CCDC38: variants seen among roughly 807,000 people sequenced by gnomAD.
The protein encoded by CCDC38 is coiled-coil domain containing 38, also known as coiled-coil domain-containing protein 38.
Under a neutral mutation model 72.8 loss-of-function variants are expected in CCDC38, and 69 were observed. The observed-to-expected ratio is 0.95, with a 90% CI of 0.78 to 1.16. CCDC38 has a LOEUF of 1.16. CCDC38 is among the 50% of genes most tolerant of loss of function. CCDC38 has a pLI of 0.00. For synonymous variants in CCDC38, 201 were observed against 213.2 expected, an observed-to-expected ratio of 0.94 and a Z score of 0.50; for missense variants, 626 against 638.9, an observed-to-expected ratio of 0.98 and a Z score of 0.22.
At position 95,878,277 on chromosome 12, in the gene CCDC38, C is replaced by T. The variant is rs2079657738; in HGVS notation, c.1212G>A (p.Glu404=). The change falls in exon 13 of 16, where the codon GAG becomes GAA. Residue 404 remains glutamate (E), a synonymous_variant. Transcript: ENST00000344280. ...MLKANCVREE[E]KAAELQLKSK... is the part of the protein sequence containing the mutation. ...ACTTTAATTGCAATTCTGCTGCTTT[C>T]TCTTCTTCTCTCACACAGTTAGCTT... is the stretch of plus-strand genomic sequence containing the variant. 1.2e-6 allele frequency: 2 copies of T among 1,613,520 alleles called. No individual in the cohort carries two copies. Among genetic ancestry groups the T allele is most frequent in the Admixed American group, 1.7e-5 (1 of 59,978 alleles).
chr12:95,917,357 G>A, intron 3 of CCDC38, 63 bp from the exon 4 acceptor site: 1 of 1,274,816 alleles, frequency 7.8e-7, no homozygotes, highest in Non-Finnish European at 1.1e-6. Context: ...CTTAAAATTA[G>A]TGATTATATA....
intron 4 of CCDC38, among the ~76,000 whole-genome samples, chr12:95,915,219 C>T (rs1176392565): frequency 1.3e-5 from 2 of 152,128 alleles, no homozygotes; most frequent in Admixed American, 1.3e-4. Flanking sequence ...AGCTATCAGG[C>T]AGATCTTTGA....
chr12:95,891,260 G>C (rs2079823645), intron 8 of CCDC38, among the ~76,000 whole-genome samples: 1 of 152,178 alleles, frequency 6.6e-6, no homozygotes. Context: ...AATCCCAAAT[G>C]TTAGCTTTCA....
At chr12:95,877,322 T>A (rs1055032356) in intron 13 of CCDC38, among the ~76,000 whole-genome samples, 1 of 152,196 alleles carries the variant, frequency 6.6e-6, no homozygotes, top group Non-Finnish European at 1.5e-5. Context: ...TTAGAAGGTA[T>A]ATAAGCTCTG....
intron 4 of CCDC38, among the ~76,000 whole-genome samples, chr12:95,914,050 G>C (rs1000898160): frequency 6.6e-6 from 1 of 152,250 alleles, no homozygotes; most frequent in African/African-American, 2.4e-5. Flanking sequence ...TAGGCTGGGA[G>C]TGGTGGCCCA....
rs1775329415 is a variant in CCDC38, at chr12:95,898,446, T to C, written c.553A>G (p.Asn185Asp). 1.2e-6 allele frequency: 2 copies of C among 1,614,118 alleles called. No homozygotes were observed. The highest frequency in any genetic ancestry group is 3.3e-5 in the Admixed American group (2 of 60,010). Reference protein sequence around the residue: ...ALKMAAQETINKLQMTAELKK... With the variant: ...ALKMAAQETIDKLQMTAELKK... ...AGCTCTGCTGTCATTTGGAGTTTGT[T>C]TATTGTTTCCTGTGCTGCCCTGAAA... Residue 185 changes from asparagine to aspartate, a missense_variant, in exon 7 of 16, where the codon AAC becomes GAC. Asn to Asp is a conservative substitution (Grantham distance 23, BLOSUM62 1). Transcript: ENST00000344280.
At chr12:95,910,302 T>TACACACACACACACACACAC (rs141853582) in intron 4 of CCDC38, among the ~76,000 whole-genome samples, 1 of 148,314 alleles carries the variant, frequency 6.7e-6, no homozygotes, top group South Asian at 2.1e-4. Context: ...CCATTTACAT[T>TACACACACACACACACACAC]ACACACACAC....
Position 95,930,955 on chromosome 12 carries a change from A to T in CCDC38, c.37+5518T>A, listed in dbSNP as rs368589704. Reference sequence around the variant, plus strand: ...TATTCTTCTCTAAGCTGCCTTGCAAATCCCTGACATTACTAATTAACAACC... The same window carrying T: ...TATTCTTCTCTAAGCTGCCTTGCAATTCCCTGACATTACTAATTAACAACC... On this transcript the variant is annotated intron_variant, in intron 2 of 15. Coordinates refer to ENST00000344280, the MANE Select transcript of CCDC38 (RefSeq NM_182496.3). 3.1e-5 allele frequency among the ~76,000 whole-genome samples: 4 copies of T among 130,216 alleles called. No homozygotes were observed. The East Asian group carries it at 6.9e-4, about 22-fold the overall frequency. 85.4% of individuals were successfully genotyped at this position (130,216 alleles called of 152,430 possible).
chr12:95,885,004 A>T (rs2079742324), intron 10 of CCDC38, among the ~76,000 whole-genome samples: 1 of 152,220 alleles, frequency 6.6e-6, no homozygotes, highest in South Asian at 2.1e-4. Flanking sequence ...GTTTTTTTGT[A>T]GATATAGATA....
chr12:95,892,237 C>A (rs2079835588), intron 8 of CCDC38, among the ~76,000 whole-genome samples: 2 of 150,440 alleles, frequency 1.3e-5, no homozygotes, highest in African/African-American at 2.4e-5. Context: ...AAGTGCAAAT[C>A]ATCCCCTTTG....
chr12:95,926,791 G>C (rs11108342), intron 2 of CCDC38, among the ~76,000 whole-genome samples: 78,136 of 149,450 alleles, frequency 0.52, 21,129 homozygotes, highest in East Asian at 0.92. Context: ...TCCTTCATTT[G>C]GTTATGTACC....
At chr12:95,867,299 T>A in intron 15 of CCDC38, 110 bp from the exon 16 acceptor site, 1 of 667,324 alleles carries the variant, frequency 1.5e-6, no homozygotes, top group South Asian at 1.8e-5. Context: ...ATAATATGGT[T>A]TGTAACATTA....
intron 13 of CCDC38, among the ~76,000 whole-genome samples, chr12:95,876,081 A>G (rs997085509): frequency 6.6e-6 from 1 of 152,236 alleles, no homozygotes. Flanking sequence ...TAAACAATAT[A>G]TGGTATAAAC....
intron 5 of CCDC38, chr12:95,903,658 T>G: frequency 2.1e-6 from 1 of 486,010 alleles, no homozygotes; most frequent in South Asian, 4.1e-5. Flanking sequence ...CATATGGGTT[T>G]TCATTTTTAA....
At position 95,890,799 on chromosome 12, in the gene CCDC38, T is replaced by C. The variant is rs767502832; in HGVS notation, c.871+33A>G. The C allele has an allele frequency of 5.2e-6, 7 of 1,355,758 alleles. No individual in the cohort carries two copies. The East Asian group carries it at 1.4e-4, about 27-fold the overall frequency. The allele number at this position is 1,355,758 out of a possible 1,614,324, so 84.0% of individuals were successfully genotyped here. ...ACTTTGAGATGGACACATTCGCAGGTTTTACTTTCATGAGTCCCAAATCTA... is the reference window on the plus strand; with the variant it reads ...ACTTTGAGATGGACACATTCGCAGGCTTTACTTTCATGAGTCCCAAATCTA... On this transcript the variant is annotated intron_variant, in intron 9 of 15. Transcript: ENST00000344280.
chr12:95,936,524 C>G lies in CCDC38; in HGVS notation c.-14-1G>C. On this transcript the variant is annotated splice_acceptor_variant, in intron 1 of 15. Transcript: ENST00000344280. LOFTEE classifies it low-confidence loss of function (5UTR_SPLICE). ...TTTGAGGACATTTTCTTGCCTGGCCCTGTTGAAAGAAAAAAAAATACGTTT... is the reference window on the plus strand; with the variant it reads ...TTTGAGGACATTTTCTTGCCTGGCCGTGTTGAAAGAAAAAAAAATACGTTT... 1 of 1,593,340 alleles carries G rather than the reference C, an allele frequency of 6.3e-7. No individual in the cohort carries two copies. The highest frequency in any genetic ancestry group is 1.1e-5 in the South Asian group (1 of 89,384).
chr12:95,902,965 T>A (rs2079965298), intron 5 of CCDC38, among the ~76,000 whole-genome samples: 1 of 152,138 alleles, frequency 6.6e-6, no homozygotes, highest in African/African-American at 2.4e-5. Flanking sequence ...TTAAATAAAT[T>A]ATTTAATCTA....
intron 8 of CCDC38, among the ~76,000 whole-genome samples, chr12:95,892,418 G>T (rs1400306502): frequency 1.3e-5 from 2 of 150,006 alleles, no homozygotes; most frequent in Non-Finnish European, 3.0e-5. Context: ...CCTAGTGGTA[G>T]AACTACAGTT....
At chr12:95,928,991 T>C (rs2080305112) in intron 2 of CCDC38, among the ~76,000 whole-genome samples, 1 of 152,206 alleles carries the variant, frequency 6.6e-6, no homozygotes, top group African/African-American at 2.4e-5. Context: ...GCTGTCTTTT[T>C]GTTTGTCTGT....
Sources: allele counts gnomAD v4.1 joint callset (sites outside exome capture counted in the v4.1 genomes callset), GRCh38; gene constraint gnomAD v4.1.1; transcripts MANE v1.5; gene names NCBI Gene and HGNC (gene_info 2026-07-23, HGNC 2026-07-21).